The following EXOC5 variants were observed in gnomAD, a reference collection of about 807,000 sequenced individuals.
EXOC5 encodes SEC10-like 1.
EXOC5 carries 17 observed loss-of-function variants against 90.8 expected under a neutral mutation model. That is an observed-to-expected ratio of 0.19 (90% CI 0.13 to 0.28). The LOEUF (loss-of-function observed/expected upper bound fraction) is 0.28. EXOC5 is among the 10% of genes least tolerant of loss of function. EXOC5 has a pLI of 1.00. For missense variants in EXOC5, 569 were observed against 830.6 expected, an observed-to-expected ratio of 0.69 and a Z score of 3.87; for synonymous variants, 260 against 270.0, an observed-to-expected ratio of 0.96 and a Z score of 0.36.
At chr14:57,213,171 C>T (rs1269501551) in intron 15 of EXOC5, among the ~76,000 whole-genome samples, 2 of 151,800 alleles carry the variant, frequency 1.3e-5, no homozygotes, top group African/African-American at 4.8e-5. Context: ...TCACTTGAGC[C>T]CAGGAATTCA....
intron 15 of EXOC5, among the ~76,000 whole-genome samples, chr14:57,211,919 G>A (rs1248017200): frequency 1.3e-5 from 2 of 152,144 alleles, no homozygotes; most frequent in Non-Finnish European, 2.9e-5. Context: ...CTGGAATGCA[G>A]TGTGATGATT....
rs1470169633 is a variant in EXOC5 at position 57,200,884 on chromosome 14, T to G, written c.*7725A>C. The G allele has an allele frequency of 3.9e-5, 6 of 152,146 alleles. No homozygotes were observed. The highest frequency in any genetic ancestry group is 5.9e-5 in the Non-Finnish European group (4 of 68,024). The allele number at this position is 152,146 out of a possible 1,614,324, so 9.4% of individuals were successfully genotyped here. On this transcript the variant is annotated 3_prime_UTR_variant, in exon 18 of 18. Transcript: ENST00000621441. ...CAATGACCATTCTTATTCCCTCAATTTGGTCCTAAAGCCAAAACTTCAAGA... is the reference window on the plus strand; with the variant it reads ...CAATGACCATTCTTATTCCCTCAATGTGGTCCTAAAGCCAAAACTTCAAGA...
chr14:57,248,083 A>G (rs1884080757), intron 1 of EXOC5, among the ~76,000 whole-genome samples: 1 of 151,698 alleles, frequency 6.6e-6, no homozygotes, highest in Non-Finnish European at 1.5e-5. Context: ...CTTTTTTAAA[A>G]ATCTCACAAA....
intron 1 of EXOC5, among the ~76,000 whole-genome samples, chr14:57,252,831 C>G (rs1264921379): frequency 6.6e-6 from 1 of 152,108 alleles, no homozygotes; most frequent in African/African-American, 2.4e-5. Context: ...GATATCTGCA[C>G]CACCATGTTT....
chr14:57,243,828 A>G (rs1883949960), intron 4 of EXOC5, among the ~76,000 whole-genome samples: 1 of 152,128 alleles, frequency 6.6e-6, no homozygotes, highest in Non-Finnish European at 1.5e-5. Flanking sequence ...CCACCACCCA[A>G]TGGACTGTCA....
At chr14:57,220,724 C>G (rs1283454526) in intron 13 of EXOC5, among the ~76,000 whole-genome samples, 1 of 152,016 alleles carries the variant, frequency 6.6e-6, no homozygotes. Context: ...TGCTTGAGCC[C>G]AGGAGTTCAA....
chr14:57,267,205 T>C (rs1022099589), intron 1 of EXOC5, among the ~76,000 whole-genome samples: 3 of 152,194 alleles, frequency 2.0e-5, no homozygotes, highest in African/African-American at 7.2e-5. Flanking sequence ...GATGGCACAA[T>C]TTTGGAATTA....
chr14:57,241,151 G>GGTGT (rs1241136256), intron 4 of EXOC5, among the ~76,000 whole-genome samples: 1 of 152,160 alleles, frequency 6.6e-6, no homozygotes, highest in Non-Finnish European at 1.5e-5. Context: ...ACCACGCCCT[G>GGTGT]CCCAATATAG....
chr14:57,235,913 A>C (rs1460219529), intron 6 of EXOC5, 93 bp from the exon 7 acceptor site: 9 of 674,102 alleles, frequency 1.3e-5, no homozygotes, highest in Non-Finnish European at 2.1e-5. Context: ...ATGACTATGA[A>C]TATAGCTTTC....
In EXOC5 at chr14:57,268,811, G is replaced by C. The variant is rs1041114758; in HGVS notation, c.-163C>G. The C allele has an allele frequency of 6.4e-6, 9 of 1,398,854 alleles. No individual in the cohort carries two copies. Among genetic ancestry groups the C allele is most frequent in the Non-Finnish European group, 7.4e-6 (8 of 1,083,368 alleles). The allele number at this position is 1,398,854 out of a possible 1,614,324, so 86.7% of individuals were successfully genotyped here. A position where few individuals can be genotyped will look rare whatever the true frequency, so the allele number is the denominator to read the frequency against. ...CAGATCCCAGGAGGGGCGGGAGAGC[G>C]GCCATGAAGCGAAGCCGCAAACGCT... On this transcript the variant is annotated 5_prime_UTR_variant, in exon 1 of 18. Transcript: ENST00000621441.
intron 12 of EXOC5, 56 bp downstream of exon 12, chr14:57,229,678 C>A: frequency 7.7e-7 from 1 of 1,291,270 alleles, no homozygotes; most frequent in South Asian, 2.2e-5. Context: ...GAATCAATTC[C>A]CCACAGATAT....
At chr14:57,211,174 T>C (rs1882814991) in intron 15 of EXOC5, among the ~76,000 whole-genome samples, 1 of 152,322 alleles carries the variant, frequency 6.6e-6, no homozygotes, top group South Asian at 2.1e-4. Flanking sequence ...ATTTTCACCA[T>C]GTAATCTATA....
At chr14:57,216,538 G>C (rs1882980750) in intron 15 of EXOC5, among the ~76,000 whole-genome samples, 1 of 152,000 alleles carries the variant, frequency 6.6e-6, no homozygotes, top group Non-Finnish European at 1.5e-5. Flanking sequence ...ACACAATAGG[G>C]AAAGGATAGT....
rs551410466 is a variant in EXOC5 at position 57,207,685 on chromosome 14, T to C, written c.*924A>G. 2 of 152,212 alleles carry C rather than the reference T, an allele frequency of 1.3e-5. No homozygotes were observed. The highest frequency in any genetic ancestry group is 4.1e-4 in the South Asian group (2 of 4,830). 9.4% of individuals were successfully genotyped at this position (152,212 alleles called of 1,614,324 possible). On this transcript the variant is annotated 3_prime_UTR_variant, in exon 18 of 18. Coordinates refer to ENST00000621441, the MANE Select transcript of EXOC5 (RefSeq NM_006544.4). ...TCAGCCATTCCATCTTATTCAAGTT[T>C]AGCATTACGACAGAAATCTCAAAGG...
chr14:57,221,347 TAC>T (rs2139620870), intron 13 of EXOC5, among the ~76,000 whole-genome samples: 1 of 152,318 alleles, frequency 6.6e-6, no homozygotes, highest in East Asian at 1.9e-4. Flanking sequence ...CATGCTTCTC[TAC>T]AGTTTGCTGT....
chr14:57,209,640 G>T lies in EXOC5; in HGVS notation c.1865C>A (p.Ser622Tyr). The T allele has an allele frequency of 3.1e-6, 5 of 1,613,218 alleles. No individual in the cohort carries two copies. Among genetic ancestry groups the T allele is most frequent in the Non-Finnish European group, 4.2e-6 (5 of 1,179,410 alleles). Residue 622 changes from serine to tyrosine, a missense_variant, in exon 17 of 18, where the codon TCC becomes TAC. By Grantham distance (144) the Ser-to-Tyr change is moderately radical (BLOSUM62 -2). This residue lies in a region of EXOC5 where 122 missense variants were observed against 180.0 expected (regional missense o/e 0.68). Coordinates refer to ENST00000621441, the MANE Select transcript of EXOC5 (RefSeq NM_006544.4). ...RLIYEHLQQY[S>Y]YSCMGGMLAI... ...CAACATGCCACCCATACAACTGTAG[G>T]AATATTGTTGAAGATGCTCATAGAT...
chr14:57,263,351 T>C (rs1418624713), intron 1 of EXOC5, among the ~76,000 whole-genome samples: 4 of 152,040 alleles, frequency 2.6e-5, no homozygotes, highest in African/African-American at 7.2e-5. Context: ...ATGCCTGTAG[T>C]CCCAGCTACT....
rs1206101481 is a variant in EXOC5, at chr14:57,206,157, T to C, written c.*2452A>G. On this transcript the variant is annotated 3_prime_UTR_variant, in exon 18 of 18. Transcript: ENST00000621441. ...CTGCATATTAGCTCATGCGGTATTGTGTAATACTGCAAAGACCGTACTTAC... is the reference window on the plus strand; with the variant it reads ...CTGCATATTAGCTCATGCGGTATTGCGTAATACTGCAAAGACCGTACTTAC... The C allele has an allele frequency of 5.6e-5, 20 of 356,128 alleles. No homozygotes were observed. The highest frequency in any genetic ancestry group is 2.9e-4 in the South Asian group (13 of 45,530). 22.1% of individuals were successfully genotyped at this position (356,128 alleles called of 1,614,324 possible).
intron 15 of EXOC5, among the ~76,000 whole-genome samples, chr14:57,212,861 G>GT (rs1882869326): frequency 6.6e-6 from 1 of 152,128 alleles, no homozygotes. Flanking sequence ...AAGTAGCAAT[G>GT]TATTCATTGC....
Sources: gnomAD v4.1 joint callset for allele counts (sites outside exome capture counted in the v4.1 genomes callset) on GRCh38, gnomAD v4.1.1 for gene constraint, gnomAD v4.1.1 regional missense constraint, MANE v1.5 for transcripts, NCBI Gene and HGNC (gene_info 2026-07-23, HGNC 2026-07-21) for gene names.